UGT1A7: variants seen among roughly 807,000 people sequenced by gnomAD.
UGT1A7 encodes UDP-glucuronosyltransferase 1A7.
In UGT1A7, 33 loss-of-function variants were observed where a neutral mutation model predicts 45.6. The ratio of observed to expected loss-of-function variants is 0.72; its 90% CI spans 0.55 to 0.97. The LOEUF (loss-of-function observed/expected upper bound fraction) is 0.97. Among genes scored for constraint, UGT1A7 ranks in the 50% least tolerant of loss-of-function variants. The pLI is 0.00. For missense variants in UGT1A7, 684 were observed against 666.2 expected, an observed-to-expected ratio of 1.03 and a Z score of -0.29; for synonymous variants, 274 against 250.6, an observed-to-expected ratio of 1.09 and a Z score of -0.88.
At chr2:233,719,115 G>A in intron 1 of UGT1A7, 1 of 1,614,244 alleles carries the variant, frequency 6.2e-7, no homozygotes, top group Non-Finnish European at 8.5e-7. Flanking sequence ...CTACACTCAA[G>A]GGTTCTTTGA....
chr2:233,728,715 G>A (rs1198511958), intron 1 of UGT1A7, among the ~76,000 whole-genome samples: 1 of 152,204 alleles, frequency 6.6e-6, no homozygotes, highest in African/African-American at 2.4e-5. Context: ...GTCACATCCA[G>A]CAGAGAGCAT....
chr2:233,757,535 A>AATATAT (rs67292694), intron 1 of UGT1A7, among the ~76,000 whole-genome samples: 2,323 of 88,244 alleles, frequency 0.026, 162 homozygotes, highest in African/African-American at 0.078. Context: ...GCCTGTAAGG[A>AATATAT]ATATATATAT....
At chr2:233,762,315 G>T (rs565893517) in intron 1 of UGT1A7, among the ~76,000 whole-genome samples, 1 of 152,334 alleles carries the variant, frequency 6.6e-6, no homozygotes, top group South Asian at 2.1e-4. Context: ...TTAATGGGTC[G>T]AGAGTAATCC....
intron 1 of UGT1A7, among the ~76,000 whole-genome samples, chr2:233,756,709 T>A (rs1182039710): frequency 1.3e-5 from 2 of 152,126 alleles, no homozygotes; most frequent in Admixed American, 6.5e-5. Flanking sequence ...TTGGGGGGAC[T>A]TTTTTTGAGA....
chr2:233,755,073 T>A (rs764125289), intron 1 of UGT1A7: 1 of 1,336,212 alleles, frequency 7.5e-7, no homozygotes, highest in East Asian at 4.6e-5. Flanking sequence ...GCCATAGCGG[T>A]CATAGATATC....
chr2:233,702,690 G>A (rs1234332787), intron 1 of UGT1A7, among the ~76,000 whole-genome samples: 1 of 152,084 alleles, frequency 6.6e-6, no homozygotes, highest in African/African-American at 2.4e-5. Flanking sequence ...GTTTGGTTTT[G>A]TCAAATGCTT....
At chr2:233,725,207 GGCAGA>G (rs1192113071) in intron 1 of UGT1A7, among the ~76,000 whole-genome samples, 1 of 92,368 alleles carries the variant, frequency 1.1e-5, no homozygotes, top group African/African-American at 8.4e-5. Context: ...CAGAGGCAGA[GGCAGA>G]GGCAGAGGAG....
At chr2:233,764,324 A>C (rs1432372938) in intron 1 of UGT1A7, among the ~76,000 whole-genome samples, 1 of 152,154 alleles carries the variant, frequency 6.6e-6, no homozygotes, top group Non-Finnish European at 1.5e-5. Context: ...AGCTTTGCCA[A>C]GTAGGGGATG....
chr2:233,749,829 T>C (rs758485445), intron 1 of UGT1A7, among the ~76,000 whole-genome samples: 1 of 151,956 alleles, frequency 6.6e-6, no homozygotes, highest in Non-Finnish European at 1.5e-5. Context: ...CTCTCTTTCA[T>C]GTAAGACGTG....
intron 1 of UGT1A7, among the ~76,000 whole-genome samples, chr2:233,723,275 T>C (rs4663332): frequency 0.33 from 30,050 of 91,182 alleles, 6,430 homozygotes; most frequent in African/African-American, 0.61. Context: ...AATGGCACGA[T>C]GTTGGCTCAC....
At chr2:233,687,356 G>T (rs2074836040) in intron 1 of UGT1A7, among the ~76,000 whole-genome samples, 1 of 152,096 alleles carries the variant, frequency 6.6e-6, no homozygotes, top group African/African-American at 2.4e-5. Context: ...CAGATGGGTG[G>T]ACTGTCTCCT....
chr2:233,757,535 AATATATATATATAT>A (rs67292694), intron 1 of UGT1A7, among the ~76,000 whole-genome samples: 1 of 88,312 alleles, frequency 1.1e-5, no homozygotes, highest in South Asian at 5.2e-4. Flanking sequence ...GCCTGTAAGG[AATATATATATATAT>A]ATATATATAT....
At chr2:233,768,773 A>T (rs1302611596) in intron 4 of UGT1A7, among the ~76,000 whole-genome samples, 2 of 151,734 alleles carry the variant, frequency 1.3e-5, no homozygotes, top group Non-Finnish European at 2.9e-5. Context: ...TAGTAGAGAA[A>T]GGGTTTCACC....
chr2:233,758,177 A>G (rs1696814164), intron 1 of UGT1A7, among the ~76,000 whole-genome samples: 1 of 152,208 alleles, frequency 6.6e-6, no homozygotes, highest in African/African-American at 2.4e-5. Flanking sequence ...TTCAGAGCAG[A>G]TATTAATTGG....
chr2:233,749,850 T>C (rs1468602836), intron 1 of UGT1A7, among the ~76,000 whole-genome samples: 1 of 151,948 alleles, frequency 6.6e-6, no homozygotes. Flanking sequence ...TCTTTGCCTC[T>C]CTCTCACTTT....
In UGT1A7 at chr2:233,682,392, C is replaced by A. The variant is rs750575288; in HGVS notation, c.455C>A (p.Ala152Asp). Reference sequence around the variant, plus strand: ...GCAGTGTTTCTCGATCCTTTTGATGCCTGTGGCTTAATTGTTGCCAAATAT... The same window carrying A: ...GCAGTGTTTCTCGATCCTTTTGATGACTGTGGCTTAATTGTTGCCAAATAT... ...FDAVFLDPFD[A>D]CGLIVAKYFS... Residue 152 changes from alanine (A) to aspartate (D), a missense_variant, in exon 1 of 5, where the codon GCC becomes GAC. Physicochemically the swap from Ala to Asp is moderately radical, Grantham distance 126. Coordinates refer to ENST00000373426, the MANE Select transcript of UGT1A7 (RefSeq NM_019077.3). 7 of 1,613,732 alleles carry A rather than the reference C, an allele frequency of 4.3e-6. No individual in the cohort carries two copies. The highest frequency in any genetic ancestry group is 2.7e-5 in the African/African-American group (2 of 74,862).
chr2:233,759,541 C>A (rs1020987350), intron 1 of UGT1A7, among the ~76,000 whole-genome samples: 1 of 152,092 alleles, frequency 6.6e-6, no homozygotes, highest in Non-Finnish European at 1.5e-5. Flanking sequence ...TGTTCACATG[C>A]GCTCCAGTGA....
chr2:233,736,493 C>T (rs1043320010), intron 1 of UGT1A7, among the ~76,000 whole-genome samples: 3 of 152,222 alleles, frequency 2.0e-5, no homozygotes, highest in Non-Finnish European at 2.9e-5. Flanking sequence ...TACTACCAAA[C>T]TTCTGAAGCC....
At chr2:233,744,436 C>G (rs183534266) in intron 1 of UGT1A7, among the ~76,000 whole-genome samples, 10 of 151,926 alleles carry the variant, frequency 6.6e-5, no homozygotes. Context: ...ATCTATCATA[C>G]GTACTGCATT....
Sources: allele counts gnomAD v4.1 joint callset (sites outside exome capture counted in the v4.1 genomes callset), GRCh38; gene constraint gnomAD v4.1.1; transcripts MANE v1.5; gene names NCBI Gene and HGNC (gene_info 2026-07-23, HGNC 2026-07-21).